EIF2AK4: variants seen among roughly 807,000 people sequenced by gnomAD.
The protein encoded by EIF2AK4 is eIF-2-alpha kinase GCN2.
A neutral mutation model predicts 211.1 loss-of-function variants in EIF2AK4; 139 were observed. The observed-to-expected ratio is 0.66, with a 90% CI of 0.57 to 0.76. The LOEUF is 0.76. Ranked by LOEUF, EIF2AK4 falls within the 30% of genes least tolerant of loss-of-function variation. The pLI, the probability that EIF2AK4 is intolerant of heterozygous loss-of-function variation, is 0.00. For missense variants in EIF2AK4, 1,664 were observed against 2,043.8 expected (o/e 0.81, Z 3.58); for synonymous variants, 710 against 751.3 (o/e 0.94, Z 0.90).
intron 18 of EIF2AK4, 82 bp downstream of exon 18, chr15:39,992,930 G>A: frequency 7.5e-7 from 1 of 1,336,680 alleles, no homozygotes; most frequent in Non-Finnish European, 1.1e-6. Context: ...TTTAGTCCCG[G>A]CTAAAATAGT....
chr15:39,984,214 T>G (rs1341446664), intron 13 of EIF2AK4, among the ~76,000 whole-genome samples: 3 of 152,216 alleles, frequency 2.0e-5, no homozygotes, highest in Non-Finnish European at 4.4e-5. Context: ...GGTCTATATT[T>G]CTGTTTTAGT....
intron 18 of EIF2AK4, among the ~76,000 whole-genome samples, chr15:39,995,313 G>A (rs537010432): frequency 2.0e-5 from 3 of 152,154 alleles, no homozygotes; most frequent in South Asian, 4.1e-4. Flanking sequence ...TTAAGATGTC[G>A]GAGGTCACCA....
chr15:39,985,280 C>T (rs893699516), intron 13 of EIF2AK4, among the ~76,000 whole-genome samples: 1 of 152,042 alleles, frequency 6.6e-6, no homozygotes, highest in Non-Finnish European at 1.5e-5. Context: ...ATTTTTGCAT[C>T]GATGTTCATC....
At chr15:40,020,802 A>G (rs2035376430) in intron 30 of EIF2AK4, 97 bp from the exon 31 acceptor site, 2 of 1,109,868 alleles carry the variant, frequency 1.8e-6, no homozygotes, top group Admixed American at 2.8e-5. Context: ...AAGAATGCCC[A>G]TCTTCCCAAG....
At chr15:40,024,962 T>C (rs532029705) in intron 32 of EIF2AK4, among the ~76,000 whole-genome samples, 2 of 152,230 alleles carry the variant, frequency 1.3e-5, no homozygotes, top group East Asian at 1.9e-4. Flanking sequence ...CTAAATGCCA[T>C]GAGAGTCCTA....
chr15:40,017,513 A>ATATATATG (rs1461635243), intron 29 of EIF2AK4, among the ~76,000 whole-genome samples: 3 of 10,204 alleles, frequency 2.9e-4, no homozygotes, highest in African/African-American at 1.3e-3. Flanking sequence ...ATATATATAT[A>ATATATATG]TATATATATA....
chr15:39,943,378 TCC>T lies in EIF2AK4; in HGVS notation c.258-4_258-3del. 5 of 1,486,030 alleles carry T rather than the reference TCC, an allele frequency of 3.4e-6. No individual in the cohort carries two copies. In the South Asian group the frequency reaches 4.0e-5, roughly 12 times the overall value. 92.1% of individuals were successfully genotyped at this position (1,486,030 alleles called of 1,614,324 possible). A position where few individuals can be genotyped will look rare whatever the true frequency, so the allele number is the denominator to read the frequency against. ...TTTTTTTTTTTTTTTTTTTGCCTTT[TCC>T]AGAGTTCCTGAAATAGAGTTAAAAA... On this transcript the variant is annotated splice_polypyrimidine_tract_variant and splice_region_variant and intron_variant, in intron 2 of 38. Transcript: ENST00000263791.
In EIF2AK4 at chr15:39,988,029, G is replaced by A. The variant is rs748816386; in HGVS notation, c.2450G>A (p.Gly817Glu). Reference sequence around the variant, plus strand: ...ACTTTACGAGACACCATTGACCAGGGACTGTATCGAGACACCGTCAGACTC... The same window carrying A: ...ACTTTACGAGACACCATTGACCAGGAACTGTATCGAGACACCGTCAGACTC... ...KSTLRDTIDQ[G>E]LYRDTVRLWR... Residue 817 changes from glycine (G) to glutamate (E), a missense_variant, in exon 15 of 39, where the codon GGA (glycine) becomes GAA (glutamate). Physicochemically the swap from Gly to Glu is moderately conservative, Grantham distance 98. Around this residue, in one of 7 missense-constraint regions of EIF2AK4, gnomAD observed 622 missense variants for 796.8 expected, o/e 0.78. Coordinates refer to ENST00000263791, the MANE Select transcript of EIF2AK4 (RefSeq NM_001013703.4). 5.6e-6 allele frequency: 9 copies of A among 1,614,020 alleles called. No individual in the cohort carries two copies. The highest frequency in any genetic ancestry group is 6.8e-6 in the Non-Finnish European group (8 of 1,180,008).
At chr15:39,999,409 T>G (rs1317681477) in intron 20 of EIF2AK4, among the ~76,000 whole-genome samples, 1 of 152,180 alleles carries the variant, frequency 6.6e-6, no homozygotes, top group Non-Finnish European at 1.5e-5. Context: ...GTACAGTGGT[T>G]AATACTCTTG....
chr15:39,995,144 A>T (rs1041470686), intron 18 of EIF2AK4, among the ~76,000 whole-genome samples: 3 of 152,144 alleles, frequency 2.0e-5, no homozygotes, highest in Admixed American at 6.6e-5. Context: ...ACCTGGCCGT[A>T]TATACATATT....
intron 9 of EIF2AK4, among the ~76,000 whole-genome samples, chr15:39,970,191 T>C (rs1292992210): frequency 6.6e-6 from 1 of 152,342 alleles, no homozygotes; most frequent in East Asian, 1.9e-4. Context: ...CCCTTTTTGT[T>C]CAAAGCTGAA....
chr15:40,033,902 C>T (rs1195339099), intron 37 of EIF2AK4, among the ~76,000 whole-genome samples: 1 of 152,022 alleles, frequency 6.6e-6, no homozygotes, highest in Non-Finnish European at 1.5e-5. Flanking sequence ...GTGGCAGGCG[C>T]CTGTAATCCC....
At chr15:39,959,201 C>T (rs1411491763) in intron 6 of EIF2AK4, among the ~76,000 whole-genome samples, 1 of 152,122 alleles carries the variant, frequency 6.6e-6, no homozygotes, top group Non-Finnish European at 1.5e-5. Context: ...TTCTGAACAC[C>T]ATTTGTTTGC....
intron 9 of EIF2AK4, among the ~76,000 whole-genome samples, chr15:39,971,618 G>A (rs933659077): frequency 6.6e-6 from 1 of 152,120 alleles, no homozygotes; most frequent in Non-Finnish European, 1.5e-5. Flanking sequence ...TCAGGAGGCT[G>A]AGGCAAGAGG....
chr15:39,967,241 T>A (rs1202831043), intron 8 of EIF2AK4, 103 bp from the exon 9 acceptor site: 2 of 1,357,288 alleles, frequency 1.5e-6, no homozygotes, highest in Non-Finnish European at 1.9e-6. Context: ...GTTTTGTTTT[T>A]TTATGCCCCC....
intron 12 of EIF2AK4, chr15:39,977,701 G>C (rs1012113312): frequency 1.3e-5 from 2 of 157,884 alleles, no homozygotes; most frequent in African/African-American, 2.4e-5. Context: ...TTGGAGTCTT[G>C]ATACAGTGCC....
chr15:39,941,220 G>A (rs1261552472), intron 2 of EIF2AK4, among the ~76,000 whole-genome samples: 1 of 152,032 alleles, frequency 6.6e-6, no homozygotes, highest in Non-Finnish European at 1.5e-5. Flanking sequence ...GATTGAACTT[G>A]ATCTTCAGCC....
chr15:39,983,344 C>T (rs1208611771), intron 13 of EIF2AK4, among the ~76,000 whole-genome samples: 10 of 151,950 alleles, frequency 6.6e-5, no homozygotes, highest in Non-Finnish European at 5.9e-5. Context: ...GCATAAATGT[C>T]TTCTTTTGAA....
At chr15:39,950,902 A>G (rs1310336940) in intron 4 of EIF2AK4, among the ~76,000 whole-genome samples, 1 of 152,244 alleles carries the variant, frequency 6.6e-6, no homozygotes, top group Non-Finnish European at 1.5e-5. Flanking sequence ...TTTATCTATA[A>G]TTATTAGAAA....
Sources: allele counts gnomAD v4.1 joint callset (sites outside exome capture counted in the v4.1 genomes callset), GRCh38; gene constraint gnomAD v4.1.1; regional missense constraint gnomAD v4.1.1; transcripts MANE v1.5; gene names NCBI Gene and HGNC (gene_info 2026-07-23, HGNC 2026-07-21).